SPRED3: variants seen among roughly 807,000 people sequenced by gnomAD.
SPRED3 encodes sprouty-related, EVH1 domain-containing protein 3.
In SPRED3, 23 loss-of-function variants were observed where a neutral mutation model predicts 37.6. That is an observed-to-expected ratio of 0.61 (90% CI 0.44 to 0.87). The LOEUF (loss-of-function observed/expected upper bound fraction) is 0.87. SPRED3 is among the 40% of genes least tolerant of loss of function. SPRED3 has a pLI of 0.00. For synonymous variants in SPRED3, 302 were observed against 279.6 expected (o/e 1.08, Z -0.80); for missense variants, 584 against 618.6 (o/e 0.94, Z 0.59).
chr19:38,389,164 T>C (rs2145148359), intron 1 of SPRED3, among the ~76,000 whole-genome samples: 1 of 152,308 alleles, frequency 6.6e-6, no homozygotes, highest in South Asian at 2.1e-4. Flanking sequence ...ACCCCTGCTC[T>C]CATTCCCTGC....
intron 1 of SPRED3, 102 bp from the exon 2 acceptor site, chr19:38,390,197 A>G (rs1970809893): frequency 8.5e-7 from 1 of 1,177,012 alleles, no homozygotes; most frequent in Admixed American, 3.3e-5. Flanking sequence ...GACGTGAGAG[A>G]TGAAGTTGGA....
In SPRED3 at chr19:38,395,852, C is replaced by A; in HGVS notation, c.940C>A (p.Arg314Ser). Residue 314 changes from arginine to serine, a missense_variant, in exon 6 of 6, where the codon CGC (arginine) becomes AGC (serine). Physicochemically the swap from Arg to Ser is moderately radical, Grantham distance 110. This residue lies in a region of SPRED3 where 67 missense variants were observed against 57.4 expected (regional missense o/e 1.17). Transcript: ENST00000691638. The surrounding 1 kb of genome is among the most constrained non-coding windows in gnomAD (Gnocchi z 5.2). Reference protein sequence around the residue: ...FRRRADGRGGRCAEAPDPGRL... With the variant: ...FRRRADGRGGSCAEAPDPGRL... ...TCGCAGAGCAGACGGGCGTGGCGGC[C>A]GCTGCGCAGAGGCCCCGGACCCGGG... 1 of 1,476,774 alleles carries A rather than the reference C, an allele frequency of 6.8e-7. No homozygotes were observed. The highest frequency in any genetic ancestry group is 8.9e-7 in the Non-Finnish European group (1 of 1,122,494). 91.5% of individuals were successfully genotyped at this position (1,476,774 alleles called of 1,614,324 possible). A position where few individuals can be genotyped will look rare whatever the true frequency, so the allele number is the denominator to read the frequency against.
At chr19:38,393,201 A>G (rs563258383) in intron 4 of SPRED3, among the ~76,000 whole-genome samples, 77 of 152,228 alleles carry the variant, frequency 5.1e-4, no homozygotes, top group African/African-American at 1.8e-3. Flanking sequence ...TACAAATATC[A>G]TCTTCTCAGG....
At chr19:38,390,100 A>G in intron 1 of SPRED3, 199 bp from the exon 2 acceptor site, 1 of 416,298 alleles carries the variant, frequency 2.4e-6, no homozygotes, top group East Asian at 3.6e-5. Context: ...GAGAGAAGAG[A>G]TGGCATGAGG....
rs1175796398 is a variant in SPRED3 at position 38,395,986 on chromosome 19, G to C, written c.1074G>C (p.Pro358=). The change falls in exon 6 of 6, where the codon CCG becomes CCC. Residue 358 remains proline, a synonymous_variant. Coordinates refer to ENST00000691638, the MANE Select transcript of SPRED3 (RefSeq NM_001394336.1). This position sits in a 1 kb window ranked among gnomAD's most constrained non-coding sequence, Gnocchi z 5.2. ...GDFSDPCACE[P]GHPRPAARWA... is the part of the protein sequence containing the mutation. ...TCTCGGACCCGTGCGCCTGCGAGCC[G>C]GGCCACCCGCGCCCCGCCGCGCGCT... The C allele has an allele frequency of 6.9e-7, 1 of 1,442,690 alleles. No homozygotes were observed. Among genetic ancestry groups the C allele is most frequent in the African/African-American group, 1.5e-5 (1 of 67,386 alleles). 89.4% of individuals were successfully genotyped at this position (1,442,690 alleles called of 1,614,324 possible). A position where few individuals can be genotyped will look rare whatever the true frequency, so the allele number is the denominator to read the frequency against.
intron 4 of SPRED3, 77 bp downstream of exon 4, chr19:38,392,365 A>G: frequency 1.4e-6 from 2 of 1,419,860 alleles, no homozygotes; most frequent in South Asian, 3.0e-5. Context: ...TTGAGCACCT[A>G]CTGTGTAGCA....
rs529475163 is a variant in SPRED3, at chr19:38,394,714, C to A, written c.495C>A (p.Pro165=). The change falls in exon 5 of 6, where the codon CCC becomes CCA. Residue 165 remains proline, a synonymous_variant. Coordinates refer to ENST00000691638, the MANE Select transcript of SPRED3 (RefSeq NM_001394336.1). The part of the protein sequence containing the change: ...QETPPSAAAA[P]IITMESASGF... Reference sequence around the variant, plus strand: ...CTCCTCCCAGCGCCGCTGCGGCCCCCATCATCACGATGGAGTCAGCTTCAG... The same window carrying A: ...CTCCTCCCAGCGCCGCTGCGGCCCCAATCATCACGATGGAGTCAGCTTCAG... 6.9e-6 allele frequency: 11 copies of A among 1,594,142 alleles called. No homozygotes were observed. The highest frequency in any genetic ancestry group is 5.2e-5 in the Admixed American group (3 of 57,252).
At chr19:38,390,526 AG>A in intron 2 of SPRED3, 47 bp downstream of exon 2, 1 of 1,052,394 alleles carries the variant, frequency 9.5e-7, no homozygotes, top group South Asian at 2.9e-5. Context: ...CTGGGGAGGG[AG>A]GGGAGAGGGG....
Position 38,392,413 on chromosome 19 carries a change from G to A in SPRED3, c.423+125G>A, listed in dbSNP as rs569650886. On this transcript the variant is annotated intron_variant, in intron 4 of 5. Coordinates refer to ENST00000691638, the MANE Select transcript of SPRED3 (RefSeq NM_001394336.1). ...CACACCGGGTACACAAAATTGGGCC[G>A]GAACTATGAGTGTCAATTCAATCCC... The A allele has an allele frequency of 2.3e-5, 25 of 1,079,422 alleles. No homozygotes were observed. In the Admixed American group the frequency reaches 2.8e-4, roughly 12 times the overall value. 66.9% of individuals were successfully genotyped at this position (1,079,422 alleles called of 1,614,324 possible).
At position 38,395,319 on chromosome 19, in the gene SPRED3, CTG is replaced by C. The variant is rs1970881023; in HGVS notation, c.568-159_568-158del. On this transcript the variant is annotated intron_variant, in intron 5 of 5. Transcript: ENST00000691638. This position sits in a 1 kb window ranked among gnomAD's most constrained non-coding sequence, Gnocchi z 5.2. ...GTGTGGGGTTGGTGCGTGGATTCCTCTGTCTGTCCCTGGAGAAAAGTGGGGAT... is the reference window on the plus strand; with the variant it reads ...GTGTGGGGTTGGTGCGTGGATTCCTCTCTGTCCCTGGAGAAAAGTGGGGAT... Among the ~76,000 whole-genome samples the C allele has an allele frequency of 1.3e-5, 2 of 152,134 alleles. No individual in the cohort carries two copies. Among genetic ancestry groups the C allele is most frequent in the Non-Finnish European group, 2.9e-5 (2 of 68,014 alleles).
Position 38,389,070 on chromosome 19 carries a change from A to G in SPRED3, c.-5+263A>G, listed in dbSNP as rs376877702. On this transcript the variant is annotated intron_variant, in intron 1 of 5. Transcript: ENST00000691638. ...TCACCGTTGAGGAACGCTGAGGACC[A>G]CTCCCCCCGGGGGACACAGGATGTG... Among the ~76,000 whole-genome samples the G allele has an allele frequency of 1.8e-4, 27 of 151,578 alleles. 1 individual carries two copies. The South Asian group carries it at 5.6e-3, about 32-fold the overall frequency.
Position 38,395,394 on chromosome 19 carries a change from C to T in SPRED3, c.568-86C>T, listed in dbSNP as rs73044917. On this transcript the variant is annotated intron_variant, in intron 5 of 5. Transcript: ENST00000691638. This position sits in a 1 kb window ranked among gnomAD's most constrained non-coding sequence, Gnocchi z 5.2. ...AAGCTGGGGTCTTGAAAATCTGAAT[C>T]CCAGACCCAAGAGTGCGCTAGGGAA... 4 of 1,277,516 alleles carry T rather than the reference C, an allele frequency of 3.1e-6. No individual in the cohort carries two copies. The highest frequency in any genetic ancestry group is 3.9e-4 in the Middle Eastern group (2 of 5,130). The allele number at this position is 1,277,516 out of a possible 1,614,324, so 79.1% of individuals were successfully genotyped here.
At position 38,395,764 on chromosome 19, in the gene SPRED3, T is replaced by C; in HGVS notation, c.852T>C (p.Pro284=). 1 of 1,458,332 alleles carries C rather than the reference T, an allele frequency of 6.9e-7. No homozygotes were observed. Among genetic ancestry groups the C allele is most frequent in the Admixed American group, 2.6e-5 (1 of 38,656 alleles). 90.3% of individuals were successfully genotyped at this position (1,458,332 alleles called of 1,614,324 possible). A position where few individuals can be genotyped will look rare whatever the true frequency, so the allele number is the denominator to read the frequency against. The part of the protein sequence containing the change: ...PPPGPGPSSA[P]AKASPEAEEA... Reference sequence around the variant, plus strand: ...CCGGCCCGGGCCCATCCTCTGCGCCTGCCAAGGCCTCCCCGGAAGCGGAGG... The same window carrying C: ...CCGGCCCGGGCCCATCCTCTGCGCCCGCCAAGGCCTCCCCGGAAGCGGAGG... The change falls in exon 6 of 6, where the codon CCT becomes CCC. Residue 284 remains proline (P), a synonymous_variant. Transcript: ENST00000691638. The surrounding 1 kb of genome is among the most constrained non-coding windows in gnomAD (Gnocchi z 5.2).
rs2145161252 is a variant in SPRED3, at chr19:38,395,870, G to A, written c.958G>A (p.Asp320Asn). ...TGGCGGCCGCTGCGCAGAGGCCCCG[G>A]ACCCGGGTCGCCTCCTGGTGCGCCG... ...GRGGRCAEAP[D>N]PGRLLVRRLS... Residue 320 changes from aspartate to asparagine, a missense_variant, in exon 6 of 6, where the codon GAC (aspartate) becomes AAC (asparagine). Transcript: ENST00000691638. This position sits in a 1 kb window ranked among gnomAD's most constrained non-coding sequence, Gnocchi z 5.2. The A allele has an allele frequency of 6.7e-7, 1 of 1,493,966 alleles. No individual in the cohort carries two copies. 92.5% of individuals were successfully genotyped at this position (1,493,966 alleles called of 1,614,324 possible).
chr19:38,394,139 C>G lies in SPRED3; in HGVS notation c.424-504C>G, dbSNP rs372625900. Among the ~76,000 whole-genome samples the G allele has an allele frequency of 2.0e-5, 3 of 152,312 alleles. No individual in the cohort carries two copies. In the South Asian group the frequency reaches 6.2e-4, roughly 32 times the overall value. On this transcript the variant is annotated intron_variant, in intron 4 of 5. Coordinates refer to ENST00000691638, the MANE Select transcript of SPRED3 (RefSeq NM_001394336.1). ...CTAAGGGTCTGAGAAGTCGTTTCAG[C>G]TAGTTTCAGAACAGAGGCTGGTTTG... is the stretch of plus-strand genomic sequence containing the variant.
chr19:38,390,392 C>A lies in SPRED3; in HGVS notation c.90C>A (p.Ser30Arg). ...PVGGGGLSQV[S>R]VCRVRGARPE... ...GGGGCGGGGGCCTCAGCCAGGTGAGCGTGTGTCGGGTCCGAGGGGCCAGGC... is the reference window on the plus strand; with the variant it reads ...GGGGCGGGGGCCTCAGCCAGGTGAGAGTGTGTCGGGTCCGAGGGGCCAGGC... Residue 30 changes from serine (S) to arginine (R), a missense_variant, in exon 2 of 6, where the codon AGC (serine) becomes AGA (arginine). Ser to Arg is a moderately radical substitution (Grantham distance 110). Transcript: ENST00000691638. 2 of 1,383,572 alleles carry A rather than the reference C, an allele frequency of 1.4e-6. No homozygotes were observed. The highest frequency in any genetic ancestry group is 1.9e-6 in the Non-Finnish European group (2 of 1,063,042). 85.7% of individuals were successfully genotyped at this position (1,383,572 alleles called of 1,614,324 possible). A position where few individuals can be genotyped will look rare whatever the true frequency, so the allele number is the denominator to read the frequency against.
Position 38,399,150 on chromosome 19 carries a change from C to G in SPRED3, c.*3005C>G, listed in dbSNP as rs1464541287. The G allele has an allele frequency of 6.6e-6, 1 of 152,324 alleles. No individual in the cohort carries two copies. Among genetic ancestry groups the G allele is most frequent in the African/African-American group, 2.4e-5 (1 of 41,432 alleles). The allele number at this position is 152,324 out of a possible 1,614,324, so 9.4% of individuals were successfully genotyped here. A position where few individuals can be genotyped will look rare whatever the true frequency, so the allele number is the denominator to read the frequency against. On this transcript the variant is annotated 3_prime_UTR_variant, in exon 6 of 6. Transcript: ENST00000691638. ...CGGGGGACCAGAGTGCTGTACGGTGCTGTGGGATCTGCAGATGAAGCGGTG... is the reference window on the plus strand; with the variant it reads ...CGGGGGACCAGAGTGCTGTACGGTGGTGTGGGATCTGCAGATGAAGCGGTG...
chr19:38,394,708 G>T lies in SPRED3; in HGVS notation c.489G>T (p.Ala163=), dbSNP rs1322018810. 2 of 1,594,494 alleles carry T rather than the reference G, an allele frequency of 1.3e-6. No individual in the cohort carries two copies. The highest frequency in any genetic ancestry group is 1.7e-5 in the Admixed American group (1 of 57,388). ...SRQETPPSAA[A]APIITMESAS... ...AGGAGACTCCTCCCAGCGCCGCTGCGGCCCCCATCATCACGATGGAGTCAG... is the reference window on the plus strand; with the variant it reads ...AGGAGACTCCTCCCAGCGCCGCTGCTGCCCCCATCATCACGATGGAGTCAG... Residue 163 remains alanine (A), a synonymous_variant, in exon 5 of 6, where the codon GCG becomes GCT. Transcript: ENST00000691638.
At chr19:38,390,082 A>C (rs1256340592) in intron 1 of SPRED3, 1 of 396,296 alleles carries the variant, frequency 2.5e-6, no homozygotes, top group Non-Finnish European at 4.5e-6. Flanking sequence ...AGAAGAAGAT[A>C]GAGGTGAGAG....
Sources: allele counts gnomAD v4.1 joint callset (sites outside exome capture counted in the v4.1 genomes callset), GRCh38; gene constraint gnomAD v4.1.1; regional missense constraint gnomAD v4.1.1; non-coding constraint Gnocchi (gnomAD v3.1); transcripts MANE v1.5; gene names NCBI Gene and HGNC (gene_info 2026-07-23, HGNC 2026-07-21).